LDB2: variants seen among roughly 807,000 people sequenced by gnomAD.
LDB2 encodes the protein LIM domain binding 2, also known as LIM domain-binding protein 2.
LDB2 carries 12 observed loss-of-function variants against 44.3 expected under a neutral mutation model. The ratio of observed to expected loss-of-function variants is 0.27; its 90% CI spans 0.17 to 0.44. LDB2 has a LOEUF of 0.44. Among genes scored for constraint, LDB2 ranks in the 20% least tolerant of loss-of-function variants. LDB2 has a pLI of 1.00. For synonymous variants in LDB2, 164 were observed against 174.8 expected, an observed-to-expected ratio of 0.94 and a Z score of 0.49; for missense variants, 344 against 473.5, an observed-to-expected ratio of 0.73 and a Z score of 2.54.
At chr4:16,732,940 G>A (rs541428828) in intron 2 of LDB2, among the ~76,000 whole-genome samples, 5 of 152,114 alleles carry the variant, frequency 3.3e-5, no homozygotes, top group South Asian at 4.2e-4. Flanking sequence ...CTTTAAGGTC[G>A]GGGGAAAGGC....
At chr4:16,781,640 T>A (rs1302496668) in intron 1 of LDB2, among the ~76,000 whole-genome samples, 1 of 152,074 alleles carries the variant, frequency 6.6e-6, no homozygotes, top group Non-Finnish European at 1.5e-5. Flanking sequence ...CTCATCAAAG[T>A]TAAGTATCTT....
chr4:16,576,611 A>C (rs984137621), intron 5 of LDB2, among the ~76,000 whole-genome samples: 2 of 152,190 alleles, frequency 1.3e-5, no homozygotes, highest in Non-Finnish European at 2.9e-5. Context: ...AGCAAAGAAA[A>C]GCCCAGGAGC....
At chr4:16,507,603 G>A (rs1720027693) in intron 7 of LDB2, among the ~76,000 whole-genome samples, 1 of 152,098 alleles carries the variant, frequency 6.6e-6, no homozygotes, top group Non-Finnish European at 1.5e-5. Context: ...AAGAAATAGG[G>A]CAACTTTGGA....
intron 1 of LDB2, among the ~76,000 whole-genome samples, chr4:16,881,168 A>C (rs540749343): frequency 6.6e-6 from 1 of 152,328 alleles, no homozygotes; most frequent in East Asian, 1.9e-4. Flanking sequence ...CTTCATCTGT[A>C]AAGTGGGCGC....
At chr4:16,752,104 TGCCACAGTCAGAG>T (rs1205330932) in intron 2 of LDB2, among the ~76,000 whole-genome samples, 3 of 152,212 alleles carry the variant, frequency 2.0e-5, no homozygotes, top group African/African-American at 7.2e-5. Context: ...GCAACCAAGA[TGCCACAGTCAGAG>T]GCAAGAATCC....
chr4:16,788,068 C>T (rs777980480), intron 1 of LDB2, among the ~76,000 whole-genome samples: 1 of 152,180 alleles, frequency 6.6e-6, no homozygotes, highest in Non-Finnish European at 1.5e-5. Flanking sequence ...GTCGATCCTC[C>T]CCCCCCTCTC....
intron 1 of LDB2, among the ~76,000 whole-genome samples, chr4:16,807,184 T>A (rs1385156577): frequency 6.6e-6 from 1 of 152,204 alleles, no homozygotes; most frequent in East Asian, 1.9e-4. Flanking sequence ...GAGAATGGGT[T>A]GTAAATTCCT....
At chr4:16,545,296 C>T (rs1316020321) in intron 5 of LDB2, among the ~76,000 whole-genome samples, 1 of 151,878 alleles carries the variant, frequency 6.6e-6, no homozygotes, top group Non-Finnish European at 1.5e-5. Context: ...TGGTGCTCTT[C>T]ACAGAATGAA....
intron 1 of LDB2, among the ~76,000 whole-genome samples, chr4:16,812,597 TATA>T (rs1422949104): frequency 8.6e-6 from 1 of 116,776 alleles, no homozygotes; most frequent in African/African-American, 3.0e-5. Flanking sequence ...TATATATATA[TATA>T]TATATATATA....
chr4:16,825,683 C>A (rs1353399070), intron 1 of LDB2, among the ~76,000 whole-genome samples: 2 of 151,966 alleles, frequency 1.3e-5, no homozygotes, highest in South Asian at 2.1e-4. Flanking sequence ...GAAATGACAT[C>A]ATTTGGCCTC....
At chr4:16,739,589 A>AAATAT (rs1553994410) in intron 2 of LDB2, among the ~76,000 whole-genome samples, 1 of 64,332 alleles carries the variant, frequency 1.6e-5, no homozygotes, top group Non-Finnish European at 2.8e-5. Flanking sequence ...AAAAAAAAAA[A>AAATAT]ATATATATAT....
At chr4:16,817,022 C>T (rs1444505721) in intron 1 of LDB2, among the ~76,000 whole-genome samples, 1 of 152,168 alleles carries the variant, frequency 6.6e-6, no homozygotes, top group Non-Finnish European at 1.5e-5. Context: ...ATTGCATCGC[C>T]AACAAGACCA....
At chr4:16,813,543 C>T (rs1780310002) in intron 1 of LDB2, among the ~76,000 whole-genome samples, 1 of 152,198 alleles carries the variant, frequency 6.6e-6, no homozygotes, top group Non-Finnish European at 1.5e-5. Context: ...TCATCAAACA[C>T]CTCCTGCACA....
chr4:16,861,139 C>A (rs1712407010), intron 1 of LDB2, among the ~76,000 whole-genome samples: 2 of 152,164 alleles, frequency 1.3e-5, no homozygotes, highest in East Asian at 1.9e-4. Context: ...TATCCTACCA[C>A]TGGATTCTTG....
At chr4:16,889,084 C>T (rs189313466) in intron 1 of LDB2, among the ~76,000 whole-genome samples, 85 of 138,196 alleles carry the variant, frequency 6.2e-4, no homozygotes, top group African/African-American at 2.5e-3. Flanking sequence ...CTCTCTCTCA[C>T]ACACATAAAC....
chr4:16,676,426 AG>A (rs1342304537), intron 2 of LDB2, among the ~76,000 whole-genome samples: 3 of 152,206 alleles, frequency 2.0e-5, no homozygotes, highest in Non-Finnish European at 2.9e-5. Flanking sequence ...CTTAAGGGGA[AG>A]CCCCTTCGCC....
chr4:16,554,325 C>T lies in LDB2; in HGVS notation c.615+31597G>A, dbSNP rs569603975. Among the ~76,000 whole-genome samples, 147 of 152,246 alleles carry T rather than the reference C, an allele frequency of 9.7e-4. 1 individual carries two copies. Among genetic ancestry groups the T allele is most frequent in the African/African-American group, 3.1e-3 (130 of 41,544 alleles). ...TCGGCCCCCCAAAGTGCTGGGATTA[C>T]AGGTGTGAGCCACTGCGCCCGGCCA... On this transcript the variant is annotated intron_variant, in intron 5 of 7. Coordinates refer to ENST00000304523, the MANE Select transcript of LDB2 (RefSeq NM_001290.5).
At chr4:16,665,013 C>T (rs373454016) in intron 2 of LDB2, among the ~76,000 whole-genome samples, 89 of 152,316 alleles carry the variant, frequency 5.8e-4, no homozygotes, top group African/African-American at 2.0e-3. Flanking sequence ...TAATACAAAG[C>T]CACTCAGCCA....
intron 1 of LDB2, among the ~76,000 whole-genome samples, chr4:16,827,136 C>T (rs182740176): frequency 6.6e-6 from 1 of 152,262 alleles, no homozygotes; most frequent in Admixed American, 6.5e-5. Context: ...AAAACAACCC[C>T]ATCACCAAGA....
Sources: allele counts gnomAD v4.1 joint callset (sites outside exome capture counted in the v4.1 genomes callset), GRCh38; gene constraint gnomAD v4.1.1; transcripts MANE v1.5; gene names NCBI Gene and HGNC (gene_info 2026-07-23, HGNC 2026-07-21).